Variants in NFIC observed in about 807,000 individuals in gnomAD.
NFIC encodes the protein nuclear factor I C.
In NFIC, 12 loss-of-function variants were observed where a neutral mutation model predicts 54.4. The observed-to-expected ratio is 0.22, with a 90% confidence interval of 0.14 to 0.36. The LOEUF (loss-of-function observed/expected upper bound fraction) is 0.36. Ranked by LOEUF, NFIC falls within the 10% of genes least tolerant of loss-of-function variation. The pLI is 1.00. For missense variants in NFIC, 575 were observed against 718.2 expected (o/e 0.80, Z 2.28); for synonymous variants, 322 against 319.2 (o/e 1.01, Z -0.09).
chr19:3,428,047 G>A (rs1409853805), intron 3 of NFIC, among the ~76,000 whole-genome samples: 7 of 149,834 alleles, frequency 4.7e-5, no homozygotes, highest in Non-Finnish European at 1.5e-5. Flanking sequence ...GCACATGCCT[G>A]TAATCCCAGC....
In NFIC at chr19:3,382,171, G is replaced by T. The variant is rs200551240; in HGVS notation, c.490G>T (p.Val164Leu). The T allele has an allele frequency of 1.2e-6, 2 of 1,612,412 alleles. No individual in the cohort carries two copies. The highest frequency in any genetic ancestry group is 1.7e-6 in the Non-Finnish European group (2 of 1,179,938). ...GCAGTGCGGTCACCCGGTCCTGTGC[G>T]TGCAGCCGCACCACATTGGCGTGGC... ...AAQCGHPVLC[V>L]QPHHIGVAVK... is the part of the protein sequence containing the mutation. The change falls in exon 2 of 11, where the codon GTG becomes TTG. Residue 164 changes from valine (V) to leucine (L), a missense_variant. Around this residue, in one of 3 missense-constraint regions of NFIC, gnomAD observed 447 missense variants for 526.9 expected, o/e 0.85. Transcript: ENST00000443272.
intron 2 of NFIC, among the ~76,000 whole-genome samples, chr19:3,424,488 T>A (rs144999373): frequency 7.1e-4 from 108 of 152,314 alleles, no homozygotes; most frequent in Non-Finnish European, 1.2e-3. Flanking sequence ...GCGATTCTCC[T>A]GTCTCAGTCT....
chr19:3,443,610 A>G (rs965660011), intron 6 of NFIC, among the ~76,000 whole-genome samples: 2 of 151,664 alleles, frequency 1.3e-5, no homozygotes, highest in Non-Finnish European at 2.9e-5. Flanking sequence ...GCAGAGGATC[A>G]TGGGACGCAG....
intron 6 of NFIC, among the ~76,000 whole-genome samples, chr19:3,439,742 G>A (rs1415159315): frequency 1.4e-5 from 2 of 145,768 alleles, no homozygotes; most frequent in African/African-American, 5.1e-5. Flanking sequence ...AGGCTGGAGT[G>A]CAGTGGTGTG....
intron 7 of NFIC, 36 bp downstream of exon 7, chr19:3,449,175 G>C: frequency 6.3e-7 from 1 of 1,597,104 alleles, no homozygotes; most frequent in East Asian, 2.3e-5. Context: ...GAGGGGCGGC[G>C]GGCCCTCCTA....
rs2082723872 is a variant in NFIC, at chr19:3,466,902, G to A, written c.*4133G>A. On this transcript the variant is annotated 3_prime_UTR_variant, in exon 11 of 11. Coordinates refer to ENST00000443272, the MANE Select transcript of NFIC (RefSeq NM_001245002.2). This position sits in a 1 kb window ranked among gnomAD's most constrained non-coding sequence, Gnocchi z 4.8. ...AAAAGCCCATACCAGGCAGCATGTTGTGGATGGTTTAGTTCTCCCCGCCTC... is the reference window on the plus strand; with the variant it reads ...AAAAGCCCATACCAGGCAGCATGTTATGGATGGTTTAGTTCTCCCCGCCTC... The A allele has an allele frequency of 6.6e-6, 1 of 152,132 alleles. No individual in the cohort carries two copies. The highest frequency in any genetic ancestry group is 2.1e-4 in the South Asian group (1 of 4,824). 9.4% of individuals were successfully genotyped at this position (152,132 alleles called of 1,614,324 possible).
At chr19:3,435,530 A>C (rs1460507058) in intron 6 of NFIC, among the ~76,000 whole-genome samples, 3 of 152,226 alleles carry the variant, frequency 2.0e-5, no homozygotes, top group Non-Finnish European at 4.4e-5. Context: ...ACTCTGATCA[A>C]CAGGGCGCCT....
rs1292471994 is a variant in NFIC, at chr19:3,382,110, G to A, written c.429G>A (p.Leu143=). Residue 143 remains leucine (L), a synonymous_variant, in exon 2 of 11, where the codon CTG becomes CTA. Transcript: ENST00000443272. ...TCATCCTGTTCAAGGGCATCCCGCT[G>A]GAGAGCACCGACGGCGAGCGCCTGG... is the stretch of plus-strand genomic sequence containing the variant. The part of the protein sequence containing the change: ...VMVILFKGIP[L]ESTDGERLVK... 1.9e-6 allele frequency: 3 copies of A among 1,613,358 alleles called. No individual in the cohort carries two copies. The highest frequency in any genetic ancestry group is 1.1e-5 in the South Asian group (1 of 91,088).
intron 6 of NFIC, among the ~76,000 whole-genome samples, chr19:3,437,635 C>CAAAAAA (rs397860121): frequency 2.6e-5 from 2 of 77,334 alleles, no homozygotes; most frequent in African/African-American, 4.5e-5. Context: ...GACTATGTCT[C>CAAAAAA]AAAAAAAAAA....
intron 2 of NFIC, among the ~76,000 whole-genome samples, chr19:3,403,415 A>G (rs1390549928): frequency 1.3e-5 from 2 of 152,178 alleles, no homozygotes; most frequent in Non-Finnish European, 2.9e-5. Flanking sequence ...AGAACACTCC[A>G]CAATCTGATG....
At chr19:3,392,098 G>A (rs57707153) in intron 2 of NFIC, among the ~76,000 whole-genome samples, 7 of 136,208 alleles carry the variant, frequency 5.1e-5, no homozygotes, top group Admixed American at 1.5e-4. Context: ...TTGAGATGGA[G>A]TCTTGCTCTG....
At chr19:3,364,777 G>A (rs1288680942), upstream of NFIC, among the ~76,000 whole-genome samples, 1 of 152,156 alleles carries the variant, frequency 6.6e-6, no homozygotes, top group Non-Finnish European at 1.5e-5. Context: ...TGGAAGGCAC[G>A]GGGTCTGGAA....
At chr19:3,439,225 C>T (rs1057209366) in intron 6 of NFIC, among the ~76,000 whole-genome samples, 1 of 150,304 alleles carries the variant, frequency 6.7e-6, no homozygotes, top group Non-Finnish European at 1.5e-5. Flanking sequence ...GTCCCAGCTC[C>T]TTGGGAGGCT....
At chr19:3,404,746 A>T (rs2081616644) in intron 2 of NFIC, among the ~76,000 whole-genome samples, 1 of 152,210 alleles carries the variant, frequency 6.6e-6, no homozygotes, top group Admixed American at 6.5e-5. Flanking sequence ...GGATGATGTC[A>T]TGGGCGGCGT....
intron 6 of NFIC, among the ~76,000 whole-genome samples, chr19:3,436,393 A>G (rs990431352): frequency 3.5e-5 from 5 of 143,728 alleles, no homozygotes; most frequent in Non-Finnish European, 7.5e-5. Context: ...CCTGAGTTCA[A>G]GTGTGATCTT....
Position 3,468,744 on chromosome 19 carries a change from T to C in NFIC, c.*5975T>C, listed in dbSNP as rs1382595153. ...GTTTCCTTTTTGTATTTTACTGATA[T>C]CACCAGGATAGTTTACTCTCCTTCT... On this transcript the variant is annotated 3_prime_UTR_variant, in exon 11 of 11. Transcript: ENST00000443272. 1.3e-5 allele frequency: 2 copies of C among 152,118 alleles called. No individual in the cohort carries two copies. The highest frequency in any genetic ancestry group is 2.1e-4 in the South Asian group (1 of 4,830). 9.4% of individuals were successfully genotyped at this position (152,118 alleles called of 1,614,324 possible).
At chr19:3,392,308 G>A (rs1466707760) in intron 2 of NFIC, among the ~76,000 whole-genome samples, 2 of 152,100 alleles carry the variant, frequency 1.3e-5, no homozygotes, top group Non-Finnish European at 2.9e-5. Context: ...CTGACCTCAG[G>A]TGATCTACCT....
At position 3,382,085 on chromosome 19, in the gene NFIC, T is replaced by C; in HGVS notation, c.404T>C (p.Val135Ala). ...DKVWRLDLVMVILFKGIPLES... is the reference protein window; with the variant it reads ...DKVWRLDLVMAILFKGIPLES... ...GTGTGGCGGCTGGACCTGGTCATGG[T>C]CATCCTGTTCAAGGGCATCCCGCTG... Residue 135 changes from valine to alanine, a missense_variant, in exon 2 of 11, where the codon GTC becomes GCC. By Grantham distance (64) the Val-to-Ala change is moderately conservative (BLOSUM62 0). This residue lies in a region of NFIC where 447 missense variants were observed against 526.9 expected (regional missense o/e 0.85). Transcript: ENST00000443272. 6.2e-7 allele frequency: 1 copy of C among 1,613,202 alleles called. No homozygotes were observed. Among genetic ancestry groups the C allele is most frequent in the Non-Finnish European group, 8.5e-7 (1 of 1,179,944 alleles).
rs1432764615 is a variant in NFIC, at chr19:3,458,740, C to G, written c.1509+2105C>G. Among the ~76,000 whole-genome samples, 1 of 151,934 alleles carries G rather than the reference C, an allele frequency of 6.6e-6. No homozygotes were observed. Among genetic ancestry groups the G allele is most frequent in the Non-Finnish European group, 1.5e-5 (1 of 67,962 alleles). ...GGTGGCAGGGGCCAGACAGATGATG[C>G]GGGCTTTGCTCTGGGGTAGTGGGGA... On this transcript the variant is annotated intron_variant, in intron 10 of 10. Transcript: ENST00000443272. The surrounding 1 kb of genome is among the most constrained non-coding windows in gnomAD (Gnocchi z 4.1).
Sources: gnomAD v4.1 joint callset for allele counts (sites outside exome capture counted in the v4.1 genomes callset) on GRCh38, gnomAD v4.1.1 for gene constraint, gnomAD v4.1.1 regional missense constraint, Gnocchi (gnomAD v3.1) non-coding constraint, MANE v1.5 for transcripts, NCBI Gene and HGNC (gene_info 2026-07-23, HGNC 2026-07-21) for gene names.